MYO10: variants seen among roughly 807,000 people sequenced by gnomAD.
MYO10 encodes the protein myosin X.
Under a neutral mutation model 257.3 loss-of-function variants are expected in MYO10, and 133 were observed. The observed-to-expected ratio is 0.52, with a 90% CI of 0.45 to 0.60. The LOEUF (loss-of-function observed/expected upper bound fraction) is 0.60, where lower values mean the gene tolerates loss of function less well. MYO10 is among the 20% of genes least tolerant of loss of function. The pLI is 0.00. For synonymous variants in MYO10, 1,104 were observed against 1,028.6 expected, an observed-to-expected ratio of 1.07 and a Z score of -1.40; for missense variants, 2,399 against 2,635.7, an observed-to-expected ratio of 0.91 and a Z score of 1.97.
At chr5:16,677,694 C>T (rs1389541969) in intron 33 of MYO10, among the ~76,000 whole-genome samples, 1 of 151,660 alleles carries the variant, frequency 6.6e-6, no homozygotes, top group African/African-American at 2.4e-5. Context: ...GGATTACAGG[C>T]GTGAGCCATC....
chr5:16,679,202 G>A (rs1160975265), intron 33 of MYO10, among the ~76,000 whole-genome samples: 5 of 151,940 alleles, frequency 3.3e-5, no homozygotes, highest in East Asian at 3.9e-4. Context: ...GAATTCACTC[G>A]TGTGGTCTGG....
At chr5:16,897,772 G>A (rs1745257229) in intron 1 of MYO10, among the ~76,000 whole-genome samples, 1 of 152,152 alleles carries the variant, frequency 6.6e-6, no homozygotes, top group Non-Finnish European at 1.5e-5. Flanking sequence ...ATTGTAGGGG[G>A]GCAGAGCCAA....
chr5:16,789,809 G>A (rs1475157700), intron 4 of MYO10, among the ~76,000 whole-genome samples: 1 of 152,058 alleles, frequency 6.6e-6, no homozygotes, highest in African/African-American at 2.4e-5. Flanking sequence ...CAGAAATACA[G>A]ACTTCACAGG....
chr5:16,731,707 C>T (rs901520398), intron 19 of MYO10, among the ~76,000 whole-genome samples: 4 of 152,176 alleles, frequency 2.6e-5, no homozygotes, highest in Non-Finnish European at 2.9e-5. Context: ...GAGAGGAAAG[C>T]GTGGACATTA....
chr5:16,833,809 G>A (rs1743226460), intron 2 of MYO10, among the ~76,000 whole-genome samples: 1 of 152,134 alleles, frequency 6.6e-6, no homozygotes, highest in Non-Finnish European at 1.5e-5. Context: ...GTTTCTTAGT[G>A]CAAACAGAGT....
chr5:16,891,267 C>G (rs946848321), intron 1 of MYO10, among the ~76,000 whole-genome samples: 2 of 147,884 alleles, frequency 1.4e-5, no homozygotes, highest in East Asian at 3.9e-4. Context: ...TGCACTCCAG[C>G]CTGGATGACA....
At chr5:16,755,008 T>A (rs968948597) in intron 18 of MYO10, 100 bp from the exon 19 acceptor site, 3 of 677,224 alleles carry the variant, frequency 4.4e-6, no homozygotes, top group Non-Finnish European at 7.0e-6. Context: ...AAAAACACAA[T>A]ATAAATCATA....
chr5:16,889,363 G>A (rs1478075487), intron 1 of MYO10, among the ~76,000 whole-genome samples: 2 of 151,622 alleles, frequency 1.3e-5, no homozygotes, highest in African/African-American at 2.4e-5. Flanking sequence ...CCGAGATCAC[G>A]CCACTATACT....
intron 19 of MYO10, among the ~76,000 whole-genome samples, chr5:16,726,247 T>G (rs986083622): frequency 6.6e-5 from 10 of 152,226 alleles, no homozygotes; most frequent in African/African-American, 2.4e-4. Context: ...GGTTCCATTC[T>G]GGCACATAGG....
chr5:16,935,651 G>A, intron 1 of MYO10, 137 bp downstream of exon 1: 1 of 950,492 alleles, frequency 1.1e-6, no homozygotes, highest in Non-Finnish European at 1.7e-6. Context: ...GCGGGGGGAT[G>A]GGGGGTGATT....
chr5:16,820,344 G>A (rs975337233), intron 2 of MYO10, among the ~76,000 whole-genome samples: 12 of 152,130 alleles, frequency 7.9e-5, no homozygotes, highest in African/African-American at 2.4e-4. Flanking sequence ...GCTACAACCA[G>A]ACAGGTACTT....
chr5:16,768,657 CTCTTT>C (rs1469561955), intron 10 of MYO10, among the ~76,000 whole-genome samples: 14 of 124,884 alleles, frequency 1.1e-4, no homozygotes, highest in East Asian at 2.4e-4. Context: ...AGAACATTTT[CTCTTT>C]TCTTTTTTTT....
chr5:16,754,635 C>CACTCAAAAGCAG (rs1740476320), intron 19 of MYO10, among the ~76,000 whole-genome samples, 193 bp downstream of exon 19: 1 of 151,796 alleles, frequency 6.6e-6, no homozygotes, highest in African/African-American at 2.4e-5. Flanking sequence ...TTAATAACAT[C>CACTCAAAAGCAG]ACTCAAAAGC....
chr5:16,862,491 G>C (rs1478634119), intron 2 of MYO10, among the ~76,000 whole-genome samples: 1 of 152,072 alleles, frequency 6.6e-6, no homozygotes, highest in African/African-American at 2.4e-5. Flanking sequence ...GATTCCCAGG[G>C]ATAATTTCTG....
intron 2 of MYO10, among the ~76,000 whole-genome samples, chr5:16,828,326 T>C (rs1314616144): frequency 6.6e-6 from 1 of 151,880 alleles, no homozygotes; most frequent in African/African-American, 2.4e-5. Context: ...GCCCTGGGAA[T>C]GGAGTCAAAA....
At chr5:16,898,621 C>T (rs572995445) in intron 1 of MYO10, among the ~76,000 whole-genome samples, 2 of 151,554 alleles carry the variant, frequency 1.3e-5, no homozygotes, top group South Asian at 4.2e-4. Flanking sequence ...GTTGGCCAGG[C>T]TGGTCTCGAA....
intron 1 of MYO10, among the ~76,000 whole-genome samples, chr5:16,882,929 T>TTTTACCATAGAATAA: frequency 6.6e-6 from 1 of 151,672 alleles, no homozygotes; most frequent in Non-Finnish European, 1.5e-5. Flanking sequence ...ATTTATTTTT[T>TTTTACCATAGAATAA]TTTTGAGACG....
At chr5:16,897,961 C>T (rs253484) in intron 1 of MYO10, among the ~76,000 whole-genome samples, 69,918 of 151,970 alleles carry the variant, frequency 0.46, 16,203 homozygotes, top group Admixed American at 0.54. Flanking sequence ...TCTCAAGAAC[C>T]CCTTGAACTC....
intron 19 of MYO10, among the ~76,000 whole-genome samples, chr5:16,753,813 G>A (rs973465446): frequency 6.6e-6 from 1 of 151,922 alleles, no homozygotes; most frequent in African/African-American, 2.4e-5. Flanking sequence ...TATAAATGAG[G>A]AATCCATGCA....
Sources: gnomAD v4.1 joint callset for allele counts (sites outside exome capture counted in the v4.1 genomes callset) on GRCh38, gnomAD v4.1.1 for gene constraint, MANE v1.5 for transcripts, NCBI Gene and HGNC (gene_info 2026-07-23, HGNC 2026-07-21) for gene names.